Variants in MLYCD observed in about 807,000 individuals in gnomAD.
The protein encoded by MLYCD is malonyl-CoA decarboxylase, mitochondrial.
In MLYCD, 27 loss-of-function variants were observed where a neutral mutation model predicts 35.8. That is an observed-to-expected ratio of 0.75 (90% confidence interval 0.56 to 1.04). The LOEUF (loss-of-function observed/expected upper bound fraction) is 1.04. Among genes scored for constraint, MLYCD ranks in the 50% least tolerant of loss-of-function variants. The pLI, the probability that MLYCD is intolerant of heterozygous loss-of-function variation, is 0.00. For synonymous variants in MLYCD, 403 were observed against 302.4 expected (o/e 1.33, Z -3.45); for missense variants, 917 against 665.1 (o/e 1.38, Z -4.17).
At position 83,926,237 on chromosome 16, in the gene MLYCD, TCTCA is replaced by T. The variant is rs1245932065; in HGVS notation, c.*10751_*10754del. The T allele has an allele frequency of 6.6e-6, 1 of 152,134 alleles. No individual in the cohort carries two copies. Among genetic ancestry groups the T allele is most frequent in the Non-Finnish European group, 1.5e-5 (1 of 68,112 alleles). The allele number at this position is 152,134 out of a possible 1,614,324, so 9.4% of individuals were successfully genotyped here. A position where few individuals can be genotyped will look rare whatever the true frequency, so the allele number is the denominator to read the frequency against. ...GCCCTCCCTCCCAGAGCCCACGAGA[TCTCA>T]CTTTCTCCAAGCCCAGCTCCCCAAG... On this transcript the variant is annotated 3_prime_UTR_variant, in exon 5 of 5. Transcript: ENST00000262430.
At chr16:83,912,085 C>G in intron 3 of MLYCD, 133 bp from the exon 4 acceptor site, 1 of 1,315,664 alleles carries the variant, frequency 7.6e-7, no homozygotes, top group Admixed American at 1.7e-5. Context: ...AGCCTGAACC[C>G]CAGCTGGGGA....
In MLYCD at chr16:83,925,713, C is replaced by G. The variant is rs1409106187; in HGVS notation, c.*10224C>G. 6.5e-6 allele frequency: 1 copy of G among 152,740 alleles called. No homozygotes were observed. Among genetic ancestry groups the G allele is most frequent in the Non-Finnish European group, 1.5e-5 (1 of 68,362 alleles). The allele number at this position is 152,740 out of a possible 1,614,324, so 9.5% of individuals were successfully genotyped here. A position where few individuals can be genotyped will look rare whatever the true frequency, so the allele number is the denominator to read the frequency against. On this transcript the variant is annotated 3_prime_UTR_variant, in exon 5 of 5. Transcript: ENST00000262430. ...CCTCCCTCAGTCTGGGACTCCCTGT[C>G]CTCCCTCCTTCCTGCGTGGCACATG...
chr16:83,907,870 C>T (rs1392259333), intron 2 of MLYCD, among the ~76,000 whole-genome samples: 3 of 152,086 alleles, frequency 2.0e-5, no homozygotes, highest in South Asian at 2.1e-4. Flanking sequence ...AATCCTTCCC[C>T]GGAGCCTCAC....
rs2151059986 is a variant in MLYCD at position 83,915,054 on chromosome 16, T to C, written c.1047T>C (p.His349=). The C allele has an allele frequency of 6.2e-7, 1 of 1,614,164 alleles. No individual in the cohort carries two copies. The change falls in exon 5 of 5, where the codon CAT becomes CAC. Residue 349 remains histidine, a synonymous_variant. Coordinates refer to ENST00000262430, the MANE Select transcript of MLYCD (RefSeq NM_012213.3). ...LGLLNSQTKE[H]GRNELFTDSE... is the part of the protein sequence containing the mutation. ...TTCTGAACTCGCAAACGAAGGAGCATGGGAGGAATGAACTCTTTACAGATT... is the reference window on the plus strand; with the variant it reads ...TTCTGAACTCGCAAACGAAGGAGCACGGGAGGAATGAACTCTTTACAGATT...
Position 83,912,717 on chromosome 16 carries a change from C to G in MLYCD, c.948+350C>G, listed in dbSNP as rs930668619. ...TGGTGTAAGTGTCACTCTGAAATGT[C>G]CCAGCCAGATGGCACAGCTGGTAGT... On this transcript the variant is annotated intron_variant, in intron 4 of 4. Coordinates refer to ENST00000262430, the MANE Select transcript of MLYCD (RefSeq NM_012213.3). The G allele has an allele frequency of 1.1e-5, 4 of 358,178 alleles. No homozygotes were observed. The Admixed American group carries it at 1.2e-4, about 10-fold the overall frequency. 22.2% of individuals were successfully genotyped at this position (358,178 alleles called of 1,614,324 possible). A position where few individuals can be genotyped will look rare whatever the true frequency, so the allele number is the denominator to read the frequency against.
Position 83,914,335 on chromosome 16 carries a change from G to A in MLYCD, c.949-621G>A, listed in dbSNP as rs189829323. On this transcript the variant is annotated intron_variant, in intron 4 of 4. Coordinates refer to ENST00000262430, the MANE Select transcript of MLYCD (RefSeq NM_012213.3). ...CCGTGGTGTGGCCGGGCAGCTAGTC[G>A]CTCACTCACCAGTCCCTGGCCACTC... 301 of 165,788 alleles carry A rather than the reference G, an allele frequency of 1.8e-3. 1 individual carries two copies. The highest frequency in any genetic ancestry group is 3.6e-3 in the Admixed American group (65 of 17,890). The allele number at this position is 165,788 out of a possible 1,614,324, so 10.3% of individuals were successfully genotyped here. A position where few individuals can be genotyped will look rare whatever the true frequency, so the allele number is the denominator to read the frequency against.
Position 83,899,474 on chromosome 16 carries a change from C to G in MLYCD, c.330C>G (p.Leu110=). 6.4e-7 allele frequency: 1 copy of G among 1,554,010 alleles called. No homozygotes were observed. Reference sequence around the variant, plus strand: ...TGGCGGAGCAGAGCGCCGGCGTGCTCCATCTGCGCCAGCAGCAGCGGGAGG... The same window carrying G: ...TGGCGGAGCAGAGCGCCGGCGTGCTGCATCTGCGCCAGCAGCAGCGGGAGG... ...GQVAEQSAGV[L]HLRQQQREAA... The change falls in exon 1 of 5, where the codon CTC becomes CTG. Residue 110 remains leucine (L), a synonymous_variant. Coordinates refer to ENST00000262430, the MANE Select transcript of MLYCD (RefSeq NM_012213.3).
intron 1 of MLYCD, among the ~76,000 whole-genome samples, chr16:83,906,665 T>C (rs1418489044): frequency 2.0e-5 from 3 of 152,210 alleles, no homozygotes; most frequent in Non-Finnish European, 2.9e-5. Context: ...TTTTATATGA[T>C]TAGTATGCTC....
In MLYCD at chr16:83,918,273, GT is replaced by G. The variant is rs1460655342; in HGVS notation, c.*2785del. On this transcript the variant is annotated 3_prime_UTR_variant, in exon 5 of 5. Coordinates refer to ENST00000262430, the MANE Select transcript of MLYCD (RefSeq NM_012213.3). ...CTCGCCGCAGGAGAACACATACATG[GT>G]GCACAGAACACACACAGTGCACAGA... 1 of 152,236 alleles carries G rather than the reference GT, an allele frequency of 6.6e-6. No individual in the cohort carries two copies. The highest frequency in any genetic ancestry group is 2.4e-5 in the African/African-American group (1 of 41,444). The allele number at this position is 152,236 out of a possible 1,614,324, so 9.4% of individuals were successfully genotyped here.
rs928135993 is a variant in MLYCD, at chr16:83,924,190, A to T, written c.*8701A>T. 6.6e-6 allele frequency: 1 copy of T among 152,142 alleles called. No individual in the cohort carries two copies. Among genetic ancestry groups the T allele is most frequent in the African/African-American group, 2.4e-5 (1 of 41,410 alleles). 9.4% of individuals were successfully genotyped at this position (152,142 alleles called of 1,614,324 possible). ...AGTGCACAGCTCCGCCGCCACAGAG[A>T]CAGCCTCCTCTCATGACCCCAGACT... On this transcript the variant is annotated 3_prime_UTR_variant, in exon 5 of 5. Transcript: ENST00000262430.
At chr16:83,907,549 T>C (rs1253091987) in intron 2 of MLYCD, among the ~76,000 whole-genome samples, 1 of 152,234 alleles carries the variant, frequency 6.6e-6, no homozygotes, top group Non-Finnish European at 1.5e-5. Context: ...AGGACCCGTA[T>C]GACACAGGCT....
intron 4 of MLYCD, chr16:83,913,832 G>A (rs1022460019): frequency 2.0e-5 from 3 of 150,468 alleles, no homozygotes; most frequent in South Asian, 4.2e-4. Context: ...ACAGTGGTTC[G>A]GGGTGGGGGA....
rs780796621 is a variant in MLYCD at position 83,919,515 on chromosome 16, A to C, written c.*4026A>C. On this transcript the variant is annotated 3_prime_UTR_variant, in exon 5 of 5. Coordinates refer to ENST00000262430, the MANE Select transcript of MLYCD (RefSeq NM_012213.3). ...GGAGAGAACACACAGTGCACAGAAC[A>C]CACAGGGCACAGGAGAACACACAGT... 6.5e-6 allele frequency: 1 copy of C among 152,680 alleles called. No homozygotes were observed. The highest frequency in any genetic ancestry group is 1.5e-5 in the Non-Finnish European group (1 of 68,856). The allele number at this position is 152,680 out of a possible 1,614,324, so 9.5% of individuals were successfully genotyped here.
In MLYCD at chr16:83,899,335, C is replaced by T; in HGVS notation, c.191C>T (p.Ala64Val). 2.6e-6 allele frequency: 4 copies of T among 1,510,610 alleles called. No homozygotes were observed. The highest frequency in any genetic ancestry group is 2.6e-6 in the Non-Finnish European group (3 of 1,137,286). The allele number at this position is 1,510,610 out of a possible 1,614,324, so 93.6% of individuals were successfully genotyped here. A position where few individuals can be genotyped will look rare whatever the true frequency, so the allele number is the denominator to read the frequency against. ...YELREKTPAP[A>V]EGQCADFVSF... is the part of the protein sequence containing the mutation. ...CTGCGCGAGAAGACACCGGCGCCCGCCGAGGGTCAGTGCGCGGACTTCGTG... is the reference window on the plus strand; with the variant it reads ...CTGCGCGAGAAGACACCGGCGCCCGTCGAGGGTCAGTGCGCGGACTTCGTG... The change falls in exon 1 of 5, where the codon GCC becomes GTC. Residue 64 changes from alanine to valine, a missense_variant. Transcript: ENST00000262430.
rs1218868150 is a variant in MLYCD at position 83,925,469 on chromosome 16, C to G, written c.*9980C>G. 2.0e-5 allele frequency: 3 copies of G among 152,420 alleles called. No individual in the cohort carries two copies. The East Asian group carries it at 5.8e-4, about 29-fold the overall frequency. The allele number at this position is 152,420 out of a possible 1,614,324, so 9.4% of individuals were successfully genotyped here. ...TGTGCATTAACTAACCTCGCAGGTG[C>G]TCTGCCCACCTGCCTACGCCAGACT... is the stretch of plus-strand genomic sequence containing the variant. On this transcript the variant is annotated 3_prime_UTR_variant, in exon 5 of 5. Transcript: ENST00000262430.
chr16:83,917,244 TGC>T lies in MLYCD; in HGVS notation c.*1757_*1758del, dbSNP rs1907448524. 1.4e-5 allele frequency: 2 copies of T among 140,686 alleles called. No homozygotes were observed. The highest frequency in any genetic ancestry group is 6.2e-5 in the African/African-American group (2 of 32,222). 8.7% of individuals were successfully genotyped at this position (140,686 alleles called of 1,614,324 possible). A position where few individuals can be genotyped will look rare whatever the true frequency, so the allele number is the denominator to read the frequency against. On this transcript the variant is annotated 3_prime_UTR_variant, in exon 5 of 5. Transcript: ENST00000262430. ...CTGTGTGGATCAGTGCACGTCTGTG[TGC>T]GTGTGCCCGAGCGTCTCTGTGTGGA...
chr16:83,903,842 C>T (rs774498848), intron 1 of MLYCD, among the ~76,000 whole-genome samples: 4 of 152,184 alleles, frequency 2.6e-5, no homozygotes, highest in African/African-American at 4.8e-5. Context: ...GGATATTCCC[C>T]GCAGTTGTGT....
In MLYCD at chr16:83,916,062, G is replaced by T. The variant is rs372885703; in HGVS notation, c.*573G>T. On this transcript the variant is annotated 3_prime_UTR_variant, in exon 5 of 5. Coordinates refer to ENST00000262430, the MANE Select transcript of MLYCD (RefSeq NM_012213.3). ...CAAGGTGTGTGTAGTAAGTTAAATT[G>T]TTGAACACAAAAATGTTGCTGCTTG... 8.0e-6 allele frequency: 8 copies of T among 997,472 alleles called. No homozygotes were observed. The African/African-American group carries it at 1.0e-4, about 13-fold the overall frequency. 61.8% of individuals were successfully genotyped at this position (997,472 alleles called of 1,614,324 possible). A position where few individuals can be genotyped will look rare whatever the true frequency, so the allele number is the denominator to read the frequency against.
At chr16:83,907,670 A>T (rs1213713424) in intron 2 of MLYCD, among the ~76,000 whole-genome samples, 1 of 152,180 alleles carries the variant, frequency 6.6e-6, no homozygotes. Flanking sequence ...AACCAATTCA[A>T]TTCAAAGGGC....
Sources: allele counts gnomAD v4.1 joint callset (sites outside exome capture counted in the v4.1 genomes callset), GRCh38; gene constraint gnomAD v4.1.1; transcripts MANE v1.5; gene names NCBI Gene and HGNC (gene_info 2026-07-23, HGNC 2026-07-21).